The following CYBRD1 variants were observed in gnomAD, a reference collection of about 807,000 sequenced individuals.
CYBRD1 encodes the protein cytochrome b reductase 1, also known as plasma membrane ascorbate-dependent reductase CYBRD1.
In CYBRD1, 14 loss-of-function variants were observed where a neutral mutation model predicts 21.9. The observed-to-expected ratio is 0.64, with a 90% CI of 0.42 to 1.00. The LOEUF (loss-of-function observed/expected upper bound fraction) is 1.00, where lower values mean the gene tolerates loss of function less well. Ranked by LOEUF, CYBRD1 falls within the 50% of genes least tolerant of loss-of-function variation. The probability of loss-of-function intolerance (pLI) is 0.00; values close to 1 mark genes in which losing one functional copy is unlikely to be tolerated. For missense variants in CYBRD1, 328 were observed against 352.5 expected, an observed-to-expected ratio of 0.93 and a Z score of 0.56; for synonymous variants, 146 against 136.5, an observed-to-expected ratio of 1.07 and a Z score of -0.48.
chr2:171,548,956 A>AT (rs35154976), intron 2 of CYBRD1, among the ~76,000 whole-genome samples: 3,731 of 152,242 alleles, frequency 0.025, 132 homozygotes, highest in African/African-American at 0.084. Flanking sequence ...ATAAAAACAA[A>AT]AAAACTCATC....
chr2:171,557,439 G>T lies in CYBRD1; in HGVS notation c.*2612G>T, dbSNP rs1490567361. 1 of 152,166 alleles carries T rather than the reference G, an allele frequency of 6.6e-6. No individual in the cohort carries two copies. Among genetic ancestry groups the T allele is most frequent in the Non-Finnish European group, 1.5e-5 (1 of 68,020 alleles). 9.4% of individuals were successfully genotyped at this position (152,166 alleles called of 1,614,324 possible). A position where few individuals can be genotyped will look rare whatever the true frequency, so the allele number is the denominator to read the frequency against. ...GAAAGCTTTATTTTAACACTCATCT[G>T]AATCAACATTAAAGCCTTTTCTCTC... On this transcript the variant is annotated 3_prime_UTR_variant, in exon 4 of 4. Coordinates refer to ENST00000321348, the MANE Select transcript of CYBRD1 (RefSeq NM_024843.4).
chr2:171,534,897 T>G (rs1697523427), intron 1 of CYBRD1, among the ~76,000 whole-genome samples: 1 of 152,212 alleles, frequency 6.6e-6, no homozygotes, highest in Non-Finnish European at 1.5e-5. Flanking sequence ...AGCTGTTAGC[T>G]GGGTGTAGTG....
chr2:171,525,583 G>T (rs1323007663), intron 1 of CYBRD1, among the ~76,000 whole-genome samples: 2 of 152,082 alleles, frequency 1.3e-5, no homozygotes, highest in Non-Finnish European at 2.9e-5. Context: ...TGTGATTGCT[G>T]CAAGGAGGAA....
In CYBRD1 at chr2:171,522,956, G is replaced by A; in HGVS notation, c.193+218G>A. 1 of 715,448 alleles carries A rather than the reference G, an allele frequency of 1.4e-6. No homozygotes were observed. The highest frequency in any genetic ancestry group is 2.2e-6 in the Non-Finnish European group (1 of 456,292). The allele number at this position is 715,448 out of a possible 1,614,324, so 44.3% of individuals were successfully genotyped here. On this transcript the variant is annotated intron_variant, in intron 1 of 3. Transcript: ENST00000321348. The surrounding 1 kb of genome is among the most constrained non-coding windows in gnomAD (Gnocchi z 4.3). ...AGCTGCGGTTCAGGAGGATCGCCGC[G>A]AGCGCGGGGCCGGGGGTGCGCGGTG...
intron 1 of CYBRD1, among the ~76,000 whole-genome samples, chr2:171,536,952 T>C (rs1697554871): frequency 6.6e-6 from 1 of 152,162 alleles, no homozygotes. Flanking sequence ...GTGATGGTGA[T>C]GATGATAACA....
chr2:171,534,516 T>A (rs1252015140), intron 1 of CYBRD1, among the ~76,000 whole-genome samples: 1 of 152,220 alleles, frequency 6.6e-6, no homozygotes, highest in Non-Finnish European at 1.5e-5. Context: ...TACTTATACA[T>A]TTTAAAAAGC....
At chr2:171,536,825 T>A (rs907399526) in intron 1 of CYBRD1, among the ~76,000 whole-genome samples, 1 of 152,186 alleles carries the variant, frequency 6.6e-6, no homozygotes, top group South Asian at 2.1e-4. Context: ...GCTACTGTGG[T>A]TCATTGTTCA....
In CYBRD1 at chr2:171,548,644, C is replaced by CT. The variant is rs1156865289; in HGVS notation, c.403-4701dup. On this transcript the variant is annotated intron_variant, in intron 2 of 3. Transcript: ENST00000321348. The stretch of plus-strand genomic sequence containing the variant: ...AAAGCTCATTAAATCTACCTGTACC[C>CT]TAAAAAAAAAAAAAAAAAAAAAGCA... Among the ~76,000 whole-genome samples the CT allele has an allele frequency of 1.1e-3, 96 of 89,012 alleles. 2 individuals carry two copies. The South Asian group carries it at 0.034, about 31-fold the overall frequency. The allele number at this position is 89,012 out of a possible 152,430, so 58.4% of individuals were successfully genotyped here.
chr2:171,539,593 C>G (rs1310328783), intron 1 of CYBRD1, among the ~76,000 whole-genome samples: 1 of 152,168 alleles, frequency 6.6e-6, no homozygotes, highest in Non-Finnish European at 1.5e-5. Flanking sequence ...TTCCCTGACA[C>G]AGACTGGAGG....
intron 1 of CYBRD1, among the ~76,000 whole-genome samples, chr2:171,525,214 A>G (rs1697367361): frequency 6.6e-6 from 1 of 152,226 alleles, no homozygotes; most frequent in Admixed American, 6.5e-5. Context: ...CTGAGATTAC[A>G]GACGTGAGCC....
intron 1 of CYBRD1, among the ~76,000 whole-genome samples, chr2:171,525,531 A>C (rs540298720): frequency 6.6e-6 from 1 of 152,246 alleles, no homozygotes; most frequent in Admixed American, 6.5e-5. Flanking sequence ...AGGGACCCAC[A>C]TGTTACAGAC....
chr2:171,542,325 A>G (rs923490227), intron 2 of CYBRD1, among the ~76,000 whole-genome samples: 16 of 152,292 alleles, frequency 1.1e-4, no homozygotes, highest in African/African-American at 3.4e-4. Context: ...AAACCAACTT[A>G]TACTCTGCTC....
chr2:171,543,259 G>A (rs543487160), intron 2 of CYBRD1, among the ~76,000 whole-genome samples: 4 of 152,310 alleles, frequency 2.6e-5, no homozygotes, highest in South Asian at 4.1e-4. Flanking sequence ...GGAGACTAGG[G>A]TAGAATCAGC....
At position 171,554,728 on chromosome 2, in the gene CYBRD1, C is replaced by G; in HGVS notation, c.762C>G (p.Gly254=). ...GARGSMPAYS[G]NNMDKSDSEL... ...GAGGTTCCATGCCAGCCTACTCTGGCAACAACATGGACAAATCAGATTCAG... is the reference window on the plus strand; with the variant it reads ...GAGGTTCCATGCCAGCCTACTCTGGGAACAACATGGACAAATCAGATTCAG... Residue 254 remains glycine, a synonymous_variant, in exon 4 of 4, where the codon GGC becomes GGG. Coordinates refer to ENST00000321348, the MANE Select transcript of CYBRD1 (RefSeq NM_024843.4). 6.2e-7 allele frequency: 1 copy of G among 1,613,970 alleles called. No homozygotes were observed. Among genetic ancestry groups the G allele is most frequent in the Non-Finnish European group, 8.5e-7 (1 of 1,179,942 alleles).
intron 1 of CYBRD1, among the ~76,000 whole-genome samples, chr2:171,527,748 A>G (rs538357026): frequency 1.6e-4 from 24 of 152,224 alleles, no homozygotes; most frequent in African/African-American, 5.3e-4. Context: ...ACATGTTATA[A>G]TTTCTATCAT....
At chr2:171,533,986 G>A (rs1164164932) in intron 1 of CYBRD1, among the ~76,000 whole-genome samples, 4 of 152,032 alleles carry the variant, frequency 2.6e-5, no homozygotes, top group Admixed American at 6.5e-5. Context: ...GATTACAGGC[G>A]TGAGCCACCA....
intron 2 of CYBRD1, among the ~76,000 whole-genome samples, chr2:171,542,537 G>A (rs529275814): frequency 6.6e-6 from 1 of 152,190 alleles, no homozygotes; most frequent in South Asian, 2.1e-4. Flanking sequence ...TCAAGAGAGA[G>A]ACTGATCTAA....
intron 2 of CYBRD1, among the ~76,000 whole-genome samples, chr2:171,549,325 C>G (rs1363484014): frequency 1.3e-5 from 2 of 152,164 alleles, no homozygotes; most frequent in Admixed American, 1.3e-4. Context: ...CTCAAGTGAT[C>G]CACCCACCTC....
chr2:171,530,990 A>G (rs1476633306), intron 1 of CYBRD1, among the ~76,000 whole-genome samples: 2 of 151,544 alleles, frequency 1.3e-5, no homozygotes, highest in Admixed American at 1.3e-4. Flanking sequence ...CATCTCTACA[A>G]AAAAAAATAC....
Sources: gnomAD v4.1 joint callset for allele counts (sites outside exome capture counted in the v4.1 genomes callset) on GRCh38, gnomAD v4.1.1 for gene constraint, Gnocchi (gnomAD v3.1) non-coding constraint, MANE v1.5 for transcripts, NCBI Gene and HGNC (gene_info 2026-07-23, HGNC 2026-07-21) for gene names.